BMPR1B: variants seen among roughly 807,000 people sequenced by gnomAD.
The protein encoded by BMPR1B is bone morphogenetic protein receptor type-1B.
In BMPR1B, 12 loss-of-function variants were observed where a neutral mutation model predicts 59.1. That is an observed-to-expected ratio of 0.20 (90% CI 0.13 to 0.33). The LOEUF (loss-of-function observed/expected upper bound fraction) is 0.33. BMPR1B is among the 10% of genes least tolerant of loss of function. The probability of loss-of-function intolerance (pLI) is 1.00; values close to 1 mark genes in which losing one functional copy is unlikely to be tolerated. For synonymous variants in BMPR1B, 237 were observed against 207.3 expected, an observed-to-expected ratio of 1.14 and a Z score of -1.23; for missense variants, 550 against 610.9, an observed-to-expected ratio of 0.90 and a Z score of 1.05.
At chr4:95,076,269 T>C (rs1728698361) in intron 3 of BMPR1B, among the ~76,000 whole-genome samples, 1 of 152,104 alleles carries the variant, frequency 6.6e-6, no homozygotes, top group Non-Finnish European at 1.5e-5. Context: ...ATTGGTCTTA[T>C]GCTATAGTTA....
Position 95,084,399 on chromosome 4 carries a change from A to G in BMPR1B, c.-17-20009A>G, listed in dbSNP as rs138098408. 3.3e-3 allele frequency among the ~76,000 whole-genome samples: 494 copies of G among 151,992 alleles called. 5 individuals are homozygous for G. The highest frequency in any genetic ancestry group is 0.01 in the Middle Eastern group (3 of 294). On this transcript the variant is annotated intron_variant, in intron 3 of 12. Coordinates refer to ENST00000515059, the MANE Select transcript of BMPR1B (RefSeq NM_001203.3). ...GTATATATACATTTTTTTCATGTAAATGATTTTCTAGTTTGTGGCCAGGGC... is the reference window on the plus strand; with the variant it reads ...GTATATATACATTTTTTTCATGTAAGTGATTTTCTAGTTTGTGGCCAGGGC...
At chr4:95,147,995 T>A (rs1734766472) in intron 10 of BMPR1B, among the ~76,000 whole-genome samples, 1 of 152,184 alleles carries the variant, frequency 6.6e-6, no homozygotes, top group African/African-American at 2.4e-5. Context: ...TGTTGTAAAA[T>A]TTTCAGAAAG....
intron 2 of BMPR1B, among the ~76,000 whole-genome samples, chr4:94,898,822 C>T (rs1435635670): frequency 6.6e-6 from 1 of 152,052 alleles, no homozygotes; most frequent in South Asian, 2.1e-4. Flanking sequence ...GTCCCTCTCT[C>T]TCAAATTTAT....
At chr4:94,919,826 A>T (rs1473890542) in intron 2 of BMPR1B, among the ~76,000 whole-genome samples, 1 of 152,186 alleles carries the variant, frequency 6.6e-6, no homozygotes, top group East Asian at 1.9e-4. Flanking sequence ...TGATGATTTA[A>T]GTCATGTTTT....
At chr4:95,138,622 C>A (rs1241782185) in intron 10 of BMPR1B, among the ~76,000 whole-genome samples, 2 of 152,104 alleles carry the variant, frequency 1.3e-5, no homozygotes, top group African/African-American at 4.8e-5. Context: ...ACTCTTTTTT[C>A]TCTACACTTC....
chr4:94,910,977 T>G (rs1051775866), intron 2 of BMPR1B, among the ~76,000 whole-genome samples: 2 of 152,120 alleles, frequency 1.3e-5, no homozygotes, highest in African/African-American at 4.8e-5. Flanking sequence ...AAGGACTTAT[T>G]AAATTGACTC....
chr4:95,151,406 T>C (rs991485814), intron 11 of BMPR1B, among the ~76,000 whole-genome samples: 1 of 152,052 alleles, frequency 6.6e-6, no homozygotes, highest in Admixed American at 6.6e-5. Flanking sequence ...AGGGCCATGG[T>C]CCTGAGAATG....
chr4:94,779,089 C>G (rs1722493600), intron 1 of BMPR1B, among the ~76,000 whole-genome samples: 1 of 152,038 alleles, frequency 6.6e-6, no homozygotes, highest in Non-Finnish European at 1.5e-5. Context: ...TTTAAATCAT[C>G]TTTGTCCACC....
intron 1 of BMPR1B, among the ~76,000 whole-genome samples, chr4:94,818,951 G>A (rs1724107739): frequency 6.6e-6 from 1 of 151,918 alleles, no homozygotes; most frequent in Non-Finnish European, 1.5e-5. Flanking sequence ...GAGCAATATG[G>A]CAAGATCCCA....
rs1005532573 is a variant in BMPR1B, at chr4:94,812,749, A to G, written c.-183+54681A>G. Among the ~76,000 whole-genome samples the G allele has an allele frequency of 3.3e-5, 5 of 152,282 alleles. No homozygotes were observed. In the South Asian group the frequency reaches 1.0e-3, roughly 32 times the overall value. On this transcript the variant is annotated intron_variant, in intron 1 of 12. Coordinates refer to ENST00000515059, the MANE Select transcript of BMPR1B (RefSeq NM_001203.3). ...GAGAGAGTTCACAGGTGGAATTGCT[A>G]GAATTGGGGGGTTAGTTGGTTTTTG...
In BMPR1B at chr4:94,942,729, G is replaced by A. The variant is rs186022699; in HGVS notation, c.-112-53311G>A. Among the ~76,000 whole-genome samples, 3 of 152,100 alleles carry A rather than the reference G, an allele frequency of 2.0e-5. No homozygotes were observed. In the South Asian group the frequency reaches 6.2e-4, roughly 32 times the overall value. ...CATGCCGTTATTGAACTGAATTCTG[G>A]CCTCAGAGTACAACTCCAAAAACCA... On this transcript the variant is annotated intron_variant, in intron 2 of 12. Transcript: ENST00000515059.
At chr4:95,137,295 C>T (rs979885788) in intron 10 of BMPR1B, among the ~76,000 whole-genome samples, 1 of 152,184 alleles carries the variant, frequency 6.6e-6, no homozygotes, top group Non-Finnish European at 1.5e-5. Context: ...AATTTCTGTT[C>T]ATTTACATTT....
intron 2 of BMPR1B, among the ~76,000 whole-genome samples, chr4:94,983,629 G>A (rs894348911): frequency 3.1e-4 from 47 of 152,144 alleles, no homozygotes; most frequent in African/African-American, 1.1e-3. Flanking sequence ...CACCACTTAA[G>A]GCCCTAACTC....
chr4:95,148,657 C>A, intron 10 of BMPR1B, 91 bp from the exon 11 acceptor site: 1 of 1,333,206 alleles, frequency 7.5e-7, no homozygotes, highest in African/African-American at 1.5e-5. Flanking sequence ...TTCCACTTTT[C>A]ACTAACTAAA....
At chr4:94,778,625 C>T (rs1444332932) in intron 1 of BMPR1B, among the ~76,000 whole-genome samples, 1 of 152,156 alleles carries the variant, frequency 6.6e-6, no homozygotes, top group East Asian at 1.9e-4. Context: ...AAGTAGTCCA[C>T]ATTCCCACCA....
intron 2 of BMPR1B, among the ~76,000 whole-genome samples, chr4:94,962,486 T>C (rs1355439384): frequency 1.3e-5 from 2 of 152,100 alleles, no homozygotes; most frequent in Non-Finnish European, 1.5e-5. Flanking sequence ...TTCTCTCCGC[T>C]ACCCTTGCTA....
intron 1 of BMPR1B, among the ~76,000 whole-genome samples, chr4:94,784,255 G>C (rs912101204): frequency 1.3e-5 from 2 of 152,128 alleles, no homozygotes; most frequent in African/African-American, 4.8e-5. Context: ...GTCAATAAGA[G>C]ACTTAGGAAT....
chr4:95,073,152 A>C, intron 3 of BMPR1B, among the ~76,000 whole-genome samples: 1 of 152,282 alleles, frequency 6.6e-6, no homozygotes, highest in African/African-American at 2.4e-5. Flanking sequence ...TCCCTCTTTT[A>C]CAGATTTCTT....
At chr4:94,825,259 T>C (rs745624807) in intron 1 of BMPR1B, among the ~76,000 whole-genome samples, 1 of 152,168 alleles carries the variant, frequency 6.6e-6, no homozygotes, top group African/African-American at 2.4e-5. Context: ...TCCCAGCTAC[T>C]CAGGAGGCTG....
Sources: gnomAD v4.1 joint callset for allele counts (sites outside exome capture counted in the v4.1 genomes callset) on GRCh38, gnomAD v4.1.1 for gene constraint, MANE v1.5 for transcripts, NCBI Gene and HGNC (gene_info 2026-07-23, HGNC 2026-07-21) for gene names.